The following MCPH1 variants were observed in gnomAD, a reference collection of about 807,000 sequenced individuals.
MCPH1 encodes the protein microcephalin 1.
Under a neutral mutation model 84.5 loss-of-function variants are expected in MCPH1, and 104 were observed. That is an observed-to-expected ratio of 1.23 (90% CI 1.05 to 1.45). The LOEUF (loss-of-function observed/expected upper bound fraction) is 1.45. MCPH1 is among the 40% of genes most tolerant of loss of function. The pLI is 0.00. For synonymous variants in MCPH1, 514 were observed against 366.8 expected (o/e 1.40, Z -4.58); for missense variants, 1,498 against 1,005.7 (o/e 1.49, Z -6.62).
rs895568610 is a variant in MCPH1 at position 6,447,260 on chromosome 8, T to G, written c.1825+1713T>G. The G allele has an allele frequency of 1.0e-5, 10 of 985,280 alleles. No homozygotes were observed. The Admixed American group carries it at 4.3e-4, about 42-fold the overall frequency. 61.0% of individuals were successfully genotyped at this position (985,280 alleles called of 1,614,324 possible). A position where few individuals can be genotyped will look rare whatever the true frequency, so the allele number is the denominator to read the frequency against. On this transcript the variant is annotated intron_variant, in intron 8 of 13. Coordinates refer to ENST00000344683, the MANE Select transcript of MCPH1 (RefSeq NM_024596.5). ...AACCAACTCTCTTTGGGAATCTATC[T>G]TAGAAGATGAAACCATAAAGCCTTC...
chr8:6,456,253 T>C (rs754464424), intron 9 of MCPH1, among the ~76,000 whole-genome samples: 6 of 152,126 alleles, frequency 3.9e-5, no homozygotes, highest in Non-Finnish European at 8.8e-5. Context: ...CATAACATGT[T>C]TGTGGCGTGG....
chr8:6,545,111 C>T (rs1377148830), intron 12 of MCPH1, among the ~76,000 whole-genome samples: 1 of 151,990 alleles, frequency 6.6e-6, no homozygotes, highest in Non-Finnish European at 1.5e-5. Context: ...GATCCATTTC[C>T]ATGAAGCTCA....
chr8:6,524,612 T>G (rs1817990750), intron 12 of MCPH1, among the ~76,000 whole-genome samples: 1 of 152,128 alleles, frequency 6.6e-6, no homozygotes, highest in Admixed American at 6.5e-5. Flanking sequence ...GTACGAGGTG[T>G]TTTTTAGGGT....
At chr8:6,501,357 C>A (rs1023043493) in intron 12 of MCPH1, 1 of 152,126 alleles carries the variant, frequency 6.6e-6, no homozygotes, top group African/African-American at 2.4e-5. Flanking sequence ...ATGCTAGTTA[C>A]AGACTGGACT....
At chr8:6,528,725 C>G (rs1376753891) in intron 12 of MCPH1, among the ~76,000 whole-genome samples, 2 of 152,236 alleles carry the variant, frequency 1.3e-5, no homozygotes, top group Non-Finnish European at 2.9e-5. Flanking sequence ...GATGTGATAT[C>G]ACATGCAAAT....
chr8:6,419,138 C>CACACACACAG (rs1563179097), intron 3 of MCPH1, among the ~76,000 whole-genome samples: 40 of 118,822 alleles, frequency 3.4e-4, no homozygotes, highest in African/African-American at 1.3e-3. Context: ...TACACACACA[C>CACACACACAG]ACACACACAC....
intron 9 of MCPH1, among the ~76,000 whole-genome samples, chr8:6,460,833 AC>A (rs1806199352): frequency 6.6e-6 from 1 of 151,622 alleles, no homozygotes; most frequent in East Asian, 1.9e-4. Flanking sequence ...TCCATGACTC[AC>A]TGACTTAGTA....
At chr8:6,472,326 C>T (rs1023079729) in intron 9 of MCPH1, among the ~76,000 whole-genome samples, 5 of 152,160 alleles carry the variant, frequency 3.3e-5, no homozygotes, top group Non-Finnish European at 7.4e-5. Context: ...TTTGATGTGA[C>T]AATTTGTCCC....
chr8:6,500,077 A>G, intron 12 of MCPH1, 148 bp downstream of exon 12: 2 of 709,980 alleles, frequency 2.8e-6, no homozygotes, highest in Non-Finnish European at 2.5e-6. Flanking sequence ...AACACCTTTT[A>G]TCAATTTATT....
At chr8:6,522,357 A>G (rs2515448) in intron 12 of MCPH1, among the ~76,000 whole-genome samples, 11,299 of 149,786 alleles carry the variant, frequency 0.075, 502 homozygotes, top group African/African-American at 0.12. Flanking sequence ...TCCGTCTCAA[A>G]AAAAAAGAAA....
rs766038194 is a variant in MCPH1, at chr8:6,621,545, G to A, written c.2306G>A (p.Ser769Asn). The change falls in exon 13 of 14, where the codon AGC becomes AAC. Residue 769 changes from serine to asparagine, a missense_variant. Coordinates refer to ENST00000344683, the MANE Select transcript of MCPH1 (RefSeq NM_024596.5). The part of the protein sequence containing the change: ...QPAMFVSPAS[S>N]PPVAKLCELV... ...GCGATGTTTGTCTCGCCTGCCAGCAGCCCCCCAGTGGCCAAGCTCTGTGAA... is the reference window on the plus strand; with the variant it reads ...GCGATGTTTGTCTCGCCTGCCAGCAACCCCCCAGTGGCCAAGCTCTGTGAA... The A allele has an allele frequency of 6.2e-7, 1 of 1,614,158 alleles. No individual in the cohort carries two copies. Among genetic ancestry groups the A allele is most frequent in the East Asian group, 2.2e-5 (1 of 44,878 alleles).
chr8:6,587,495 G>A (rs1296125604), intron 12 of MCPH1, among the ~76,000 whole-genome samples: 4 of 152,198 alleles, frequency 2.6e-5, no homozygotes, highest in Non-Finnish European at 5.9e-5. Flanking sequence ...TGAAGATATA[G>A]AACACTGTTT....
Position 6,549,260 on chromosome 8 carries a change from G to A in MCPH1, c.2214+49331G>A, listed in dbSNP as rs1441492954. ...GGGTACGTAAATTGTGTTATACAGC[G>A]AAACACTGCACGGTGATGGAAAAGA... On this transcript the variant is annotated intron_variant, in intron 12 of 13. Transcript: ENST00000344683. Among the ~76,000 whole-genome samples, 3 of 152,318 alleles carry A rather than the reference G, an allele frequency of 2.0e-5. No homozygotes were observed. The South Asian group carries it at 6.2e-4, about 32-fold the overall frequency.
chr8:6,551,564 T>C (rs963630159), intron 12 of MCPH1, among the ~76,000 whole-genome samples: 1 of 152,218 alleles, frequency 6.6e-6, no homozygotes, highest in African/African-American at 2.4e-5. Flanking sequence ...CTTAATTTTT[T>C]TTAACTCATA....
At chr8:6,578,973 A>G (rs1369612300) in intron 12 of MCPH1, among the ~76,000 whole-genome samples, 1 of 152,232 alleles carries the variant, frequency 6.6e-6, no homozygotes, top group Non-Finnish European at 1.5e-5. Flanking sequence ...GCATTGGGCC[A>G]GCCATCCAGA....
intron 11 of MCPH1, among the ~76,000 whole-genome samples, chr8:6,485,501 T>G (rs1434855402): frequency 6.6e-6 from 1 of 151,918 alleles, no homozygotes; most frequent in East Asian, 1.9e-4. Flanking sequence ...CTGTTAGCAC[T>G]GAAGCTTCAT....
At chr8:6,469,926 A>G (rs1477530606) in intron 9 of MCPH1, among the ~76,000 whole-genome samples, 1 of 151,974 alleles carries the variant, frequency 6.6e-6, no homozygotes, top group Non-Finnish European at 1.5e-5. Flanking sequence ...ATTGTTTCTC[A>G]CTGGTCGTTG....
intron 12 of MCPH1, among the ~76,000 whole-genome samples, chr8:6,596,192 G>A (rs7842634): frequency 0.065 from 9,921 of 152,012 alleles, 351 homozygotes; most frequent in Middle Eastern, 0.099. Flanking sequence ...TCATTTTATT[G>A]GGCTCCAGTC....
intron 13 of MCPH1, among the ~76,000 whole-genome samples, chr8:6,639,953 G>T (rs1375091482): frequency 6.6e-6 from 1 of 151,876 alleles, no homozygotes; most frequent in Admixed American, 6.6e-5. Flanking sequence ...TGCCCAGGCT[G>T]GCCTCAAACT....
Sources: allele counts gnomAD v4.1 joint callset (sites outside exome capture counted in the v4.1 genomes callset), GRCh38; gene constraint gnomAD v4.1.1; transcripts MANE v1.5; gene names NCBI Gene and HGNC (gene_info 2026-07-23, HGNC 2026-07-21).